ACLY: variants seen among roughly 807,000 people sequenced by gnomAD.
ACLY encodes the protein ATP-citrate synthase.
ACLY carries 41 observed loss-of-function variants against 133.0 expected under a neutral mutation model. The ratio of observed to expected loss-of-function variants is 0.31; its 90% confidence interval spans 0.24 to 0.40. The LOEUF (loss-of-function observed/expected upper bound fraction) is 0.40, where lower values mean the gene tolerates loss of function less well. ACLY is among the 10% of genes least tolerant of loss of function. The probability of loss-of-function intolerance (pLI) is 1.00; values close to 1 mark genes in which losing one functional copy is unlikely to be tolerated. For missense variants in ACLY, 1,046 were observed against 1,453.8 expected, an observed-to-expected ratio of 0.72 and a Z score of 4.56; for synonymous variants, 495 against 549.3, an observed-to-expected ratio of 0.90 and a Z score of 1.38.
intron 1 of ACLY, among the ~76,000 whole-genome samples, chr17:41,926,341 T>C (rs1555635960): frequency 6.6e-6 from 1 of 152,194 alleles, no homozygotes; most frequent in Non-Finnish European, 1.5e-5. Context: ...GGAGCAAACC[T>C]TGTCATTTCT....
chr17:41,899,687 G>GT (rs1489709542), intron 11 of ACLY, among the ~76,000 whole-genome samples: 1 of 152,038 alleles, frequency 6.6e-6, no homozygotes, highest in Admixed American at 6.6e-5. Flanking sequence ...GCATGATCTG[G>GT]TAACTTCACT....
In ACLY at chr17:41,873,846, A is replaced by C; in HGVS notation, c.2607T>G (p.Ile869Met). The change falls in exon 23 of 29, where the codon ATT becomes ATG. Residue 869 changes from isoleucine (I) to methionine (M), a missense_variant. Ile to Met is a conservative substitution (Grantham distance 10). This residue lies in a region of ACLY where 205 missense variants were observed against 373.3 expected (regional missense o/e 0.55). Coordinates refer to ENST00000352035, the MANE Select transcript of ACLY (RefSeq NM_001096.3). ...ITEVFKEEMG[I>M]GGVLGLLWFQ... ...ACCAGAGGAGGCCGAGGACCCCGCC[A>C]ATGCCCATCTCTTCCTTGAAGACCT... 1 of 1,592,544 alleles carries C rather than the reference A, an allele frequency of 6.3e-7. No individual in the cohort carries two copies.
chr17:41,893,950 A>C (rs1304192365), intron 14 of ACLY, among the ~76,000 whole-genome samples: 1 of 152,148 alleles, frequency 6.6e-6, no homozygotes, highest in African/African-American at 2.4e-5. Context: ...GTGGTGGCTC[A>C]CGCCTGTAAT....
At chr17:41,874,803 G>C (rs1461135623) in intron 22 of ACLY, among the ~76,000 whole-genome samples, 5 of 150,372 alleles carry the variant, frequency 3.3e-5, no homozygotes, top group Admixed American at 6.6e-5. Flanking sequence ...TCAATCTCCT[G>C]ACCTCATGAT....
At chr17:41,904,833 A>G in intron 9 of ACLY, 43 bp from the exon 10 acceptor site, 1 of 1,565,348 alleles carries the variant, frequency 6.4e-7, no homozygotes, top group Non-Finnish European at 8.8e-7. Context: ...TTACATAGGT[A>G]GACTTGAGCA....
rs781806692 is a variant in ACLY at position 41,873,770 on chromosome 17, T to C, written c.2642+41A>G. ...TTTGTTGGGGGAAAATCATTAACTC[T>C]GAGCTGCAGGGCCCTGTAATCTTCT... On this transcript the variant is annotated intron_variant, in intron 23 of 28. Transcript: ENST00000352035. 3.3e-6 allele frequency: 5 copies of C among 1,500,978 alleles called. No individual in the cohort carries two copies. In the Admixed American group the frequency reaches 6.4e-5, roughly 19 times the overall value. The allele number at this position is 1,500,978 out of a possible 1,614,324, so 93.0% of individuals were successfully genotyped here.
chr17:41,882,976 G>A (rs782366522), intron 20 of ACLY, 146 bp downstream of exon 20: 14 of 647,142 alleles, frequency 2.2e-5, no homozygotes, highest in Admixed American at 1.4e-4. Context: ...GCAGGGCCCT[G>A]GCTGGACTTT....
chr17:41,901,729 A>T lies in ACLY; in HGVS notation c.1150T>A (p.Tyr384Asn). The T allele has an allele frequency of 6.2e-7, 1 of 1,610,750 alleles. No individual in the cohort carries two copies. Among genetic ancestry groups the T allele is most frequent in the Non-Finnish European group, 8.5e-7 (1 of 1,178,100 alleles). The change falls in exon 11 of 29, where the codon TAT becomes AAT. Residue 384 changes from tyrosine to asparagine, a missense_variant. Coordinates refer to ENST00000352035, the MANE Select transcript of ACLY (RefSeq NM_001096.3). ...TIFVRRGGPN[Y>N]QEGLRVMGEV... ...CCCATCACCCGTAAGCCCTCCTGATAGTTGGGGCCACCTCTTCGGACAAAG... is the reference window on the plus strand; with the variant it reads ...CCCATCACCCGTAAGCCCTCCTGATTGTTGGGGCCACCTCTTCGGACAAAG...
In ACLY at chr17:41,909,502, C is replaced by T. The variant is rs1271059980; in HGVS notation, c.536+8G>A. The T allele has an allele frequency of 2.5e-6, 4 of 1,613,184 alleles. No homozygotes were observed. The Admixed American group carries it at 6.7e-5, about 27-fold the overall frequency. On this transcript the variant is annotated splice_region_variant and intron_variant, in intron 5 of 28. Transcript: ENST00000352035. ...ACTGCCACCTCCCTACCGTCCCTCTCACTCAACTCTTTCTTGTCTTCAGGG... is the reference window on the plus strand; with the variant it reads ...ACTGCCACCTCCCTACCGTCCCTCTTACTCAACTCTTTCTTGTCTTCAGGG...
chr17:41,876,232 G>C (rs1201024352), intron 22 of ACLY, among the ~76,000 whole-genome samples: 10 of 151,850 alleles, frequency 6.6e-5, no homozygotes, highest in African/African-American at 2.4e-4. Flanking sequence ...CACCCCGTCC[G>C]GGAGGGAGAT....
intron 28 of ACLY, among the ~76,000 whole-genome samples, chr17:41,868,321 C>T (rs2048513164): frequency 6.6e-6 from 1 of 150,658 alleles, no homozygotes; most frequent in East Asian, 2.0e-4. Flanking sequence ...GCCTGTAGTC[C>T]CAGCTGCTTG....
intron 1 of ACLY, among the ~76,000 whole-genome samples, chr17:41,914,438 C>T (rs1346221643): frequency 2.6e-5 from 4 of 152,204 alleles, no homozygotes; most frequent in East Asian, 1.9e-4. Flanking sequence ...TACACACCAC[C>T]GGGCCAATGG....
rs2049750445 is a variant in ACLY, at chr17:41,907,359, G to A, written c.747+83C>T. ...CCCTGCCAAATAAACAGCTCATGAA[G>A]GGGGGCCAAATGCACATCAAAGATG... is the stretch of plus-strand genomic sequence containing the variant. On this transcript the variant is annotated intron_variant, in intron 7 of 28. Transcript: ENST00000352035. The A allele has an allele frequency of 4.7e-6, 6 of 1,267,516 alleles. No homozygotes were observed. In the Admixed American group the frequency reaches 1.2e-4, roughly 26 times the overall value. The allele number at this position is 1,267,516 out of a possible 1,614,324, so 78.5% of individuals were successfully genotyped here.
Position 41,904,805 on chromosome 17 carries a change from A to C in ACLY, c.1004-15T>G, listed in dbSNP as rs528287679. ...GAGGATCTTGCCTGGATTTGGAGTA[A>C]GAGAGAATCAAAAACAGTTACATAG... On this transcript the variant is annotated splice_polypyrimidine_tract_variant and intron_variant, in intron 9 of 28. Coordinates refer to ENST00000352035, the MANE Select transcript of ACLY (RefSeq NM_001096.3). 4.3e-6 allele frequency: 7 copies of C among 1,612,140 alleles called. No individual in the cohort carries two copies. The highest frequency in any genetic ancestry group is 5.9e-6 in the Non-Finnish European group (7 of 1,178,334).
At position 41,892,240 on chromosome 17, in the gene ACLY, T is replaced by TGGGGGGGGGGGGGGGGGGGGGGGGGGGGG; in HGVS notation, c.1770+38_1770+39insCCCCCCCCCCCCCCCCCCCCCCCCCCCCC. ...CAGTGATCTACCTGCGCATAGTTCA[T>TGGGGGGGGGGGGGGGGGGGGGGGGGGGGG]GGTCCCCACCCCCCACCCTCCAGAG... On this transcript the variant is annotated intron_variant, in intron 16 of 28. Coordinates refer to ENST00000352035, the MANE Select transcript of ACLY (RefSeq NM_001096.3). 23 of 400,158 alleles carry TGGGGGGGGGGGGGGGGGGGGGGGGGGGGG rather than the reference T, an allele frequency of 5.7e-5. 2 individuals are homozygous for TGGGGGGGGGGGGGGGGGGGGGGGGGGGGG. Among genetic ancestry groups the TGGGGGGGGGGGGGGGGGGGGGGGGGGGGG allele is most frequent in the Middle Eastern group, 6.0e-4 (1 of 1,668 alleles). 24.8% of individuals were successfully genotyped at this position (400,158 alleles called of 1,614,324 possible). A position where few individuals can be genotyped will look rare whatever the true frequency, so the allele number is the denominator to read the frequency against.
At chr17:41,904,262 G>A (rs1237796151) in intron 10 of ACLY, among the ~76,000 whole-genome samples, 3 of 120,318 alleles carry the variant, frequency 2.5e-5, no homozygotes, top group African/African-American at 6.4e-5. Context: ...AGGGAGGGGA[G>A]GGAGGAAGGG....
At chr17:41,879,685 A>AAAAAAAAAAAAAAAG in intron 20 of ACLY, among the ~76,000 whole-genome samples, 1 of 127,248 alleles carries the variant, frequency 7.9e-6, no homozygotes. Context: ...AAAAAAAAAA[A>AAAAAAAAAAAAAAAG]AAGAAGTGCT....
intron 9 of ACLY, among the ~76,000 whole-genome samples, chr17:41,905,110 A>G (rs557824446): frequency 6.0e-4 from 91 of 152,346 alleles, no homozygotes; most frequent in African/African-American, 2.1e-3. Flanking sequence ...GGAAAGAAGA[A>G]CTGGTATGCA....
intron 22 of ACLY, among the ~76,000 whole-genome samples, chr17:41,877,141 TCTC>T (rs1159837540): frequency 2.0e-5 from 3 of 151,578 alleles, no homozygotes; most frequent in Non-Finnish European, 4.4e-5. Context: ...TATCTCTCTC[TCTC>T]CTTTTTTTTT....
Sources: gnomAD v4.1 joint callset for allele counts (sites outside exome capture counted in the v4.1 genomes callset) on GRCh38, gnomAD v4.1.1 for gene constraint, gnomAD v4.1.1 regional missense constraint, MANE v1.5 for transcripts, NCBI Gene and HGNC (gene_info 2026-07-23, HGNC 2026-07-21) for gene names.